The following POTEF variants were observed in gnomAD, a reference collection of about 807,000 sequenced individuals.
POTEF encodes POTE ankyrin domain family member F.
POTEF carries 20 observed loss-of-function variants against 83.2 expected under a neutral mutation model. The observed-to-expected ratio is 0.24, with a 90% CI of 0.17 to 0.35. The LOEUF is 0.35. Ranked by LOEUF, POTEF falls within the 10% of genes least tolerant of loss-of-function variation. The pLI is 1.00. For synonymous variants in POTEF, 196 were observed against 446.4 expected (o/e 0.44, Z 7.07); for missense variants, 550 against 1,203.2 (o/e 0.46, Z 8.03).
At chr2:130,117,864 TTAAA>T (rs1020523202) in intron 3 of POTEF, among the ~76,000 whole-genome samples, 7 of 152,094 alleles carry the variant, frequency 4.6e-5, no homozygotes, top group African/African-American at 1.7e-4. Context: ...AATTTAAACT[TTAAA>T]TGACTACGTA....
intron 7 of POTEF, among the ~76,000 whole-genome samples, chr2:130,108,859 A>G (rs1484353413): frequency 6.7e-6 from 1 of 149,706 alleles, no homozygotes. Context: ...ATCCTTCTCT[A>G]CCGACTCAAA....
intron 8 of POTEF, chr2:130,106,331 C>A (rs2599857): frequency 6.7e-6 from 1 of 148,858 alleles, no homozygotes; most frequent in Middle Eastern, 3.4e-3. Context: ...ATTAAAAAGT[C>A]TATCATAAAC....
chr2:130,115,653 A>G (rs1438577091), intron 3 of POTEF, among the ~76,000 whole-genome samples: 1 of 152,188 alleles, frequency 6.6e-6, no homozygotes, highest in Admixed American at 6.5e-5. Flanking sequence ...AGGAATGAAA[A>G]TAGTAGCTTT....
intron 1 of POTEF, among the ~76,000 whole-genome samples, 193 bp downstream of exon 1, chr2:130,128,879 A>C (rs1247861589): frequency 1.1e-3 from 69 of 60,352 alleles, no homozygotes; most frequent in Middle Eastern, 0.01. Flanking sequence ...CCCCCCCATC[A>C]CCCCCGCCAC....
chr2:130,120,144 ATCG>A lies in POTEF; in HGVS notation c.369_371del (p.Asp125del), dbSNP rs752849879. ...ACCTGGGCTCCATGAAGGCACTGTC[ATCG>A]TAGTCTCCCCAAGCGCCCACCTTGC... On this transcript the variant is annotated inframe_deletion, in exon 3 of 17. Coordinates refer to ENST00000409914, the MANE Select transcript of POTEF (RefSeq NM_001099771.2). The A allele has an allele frequency of 7.5e-6, 12 of 1,609,762 alleles. No homozygotes were observed. Among genetic ancestry groups the A allele is most frequent in the Non-Finnish European group, 1.0e-5 (12 of 1,179,532 alleles).
intron 3 of POTEF, among the ~76,000 whole-genome samples, chr2:130,117,891 C>A (rs2104824697): frequency 6.6e-6 from 1 of 151,498 alleles, no homozygotes; most frequent in South Asian, 2.1e-4. Flanking sequence ...TACCACTGTT[C>A]TTCATCCTCA....
chr2:130,075,347 C>G lies in POTEF; in HGVS notation c.2125G>C (p.Val709Leu). The G allele has an allele frequency of 1.2e-6, 2 of 1,612,384 alleles. No individual in the cohort carries two copies. Among genetic ancestry groups the G allele is most frequent in the South Asian group, 2.2e-5 (2 of 91,018 alleles). ...LTMDDDTAVL[V>L]IDNGSGMCKA... Reference sequence around the variant, plus strand: ...CACATGCCAGAGCCGTTGTCAATGACGAGCACAGCGGTATCATCATCCATG... The same window carrying G: ...CACATGCCAGAGCCGTTGTCAATGAGGAGCACAGCGGTATCATCATCCATG... Residue 709 changes from valine (V) to leucine (L), a missense_variant, in exon 17 of 17, where the codon GTC becomes CTC. Coordinates refer to ENST00000409914, the MANE Select transcript of POTEF (RefSeq NM_001099771.2).
chr2:130,118,557 C>T (rs1282311542), intron 3 of POTEF, among the ~76,000 whole-genome samples: 1 of 150,280 alleles, frequency 6.7e-6, no homozygotes, highest in Non-Finnish European at 1.5e-5. Flanking sequence ...ATTAGCCAGG[C>T]GTGGTGGCAG....
Position 130,120,039 on chromosome 2 carries a change from G to T in POTEF, c.477C>A (p.Val159=). The stretch of plus-strand genomic sequence containing the variant: ...TGTTCACGTCAGTGTCCCTGAGCAT[G>T]ACGATGAGATCCTTTCTGGGGACTT... ...WGKVPRKDLI[V]MLRDTDVNKQ... is the part of the protein sequence containing the mutation. The change falls in exon 3 of 17, where the codon GTC becomes GTA. Residue 159 remains valine, a synonymous_variant. Transcript: ENST00000409914. The T allele has an allele frequency of 2.2e-5, 34 of 1,516,526 alleles. 5 individuals carry two copies. Among genetic ancestry groups the T allele is most frequent in the Non-Finnish European group, 3.0e-5 (33 of 1,115,510 alleles). 93.9% of individuals were successfully genotyped at this position (1,516,526 alleles called of 1,614,324 possible). A position where few individuals can be genotyped will look rare whatever the true frequency, so the allele number is the denominator to read the frequency against.
At chr2:130,117,455 G>A (rs974974849) in intron 3 of POTEF, among the ~76,000 whole-genome samples, 15 of 151,986 alleles carry the variant, frequency 9.9e-5, no homozygotes, top group African/African-American at 3.1e-4. Context: ...TCACAGATAA[G>A]AGAAAGGGAA....
chr2:130,116,212 G>A (rs1486407276), intron 3 of POTEF, among the ~76,000 whole-genome samples: 1 of 151,328 alleles, frequency 6.6e-6, no homozygotes, highest in African/African-American at 2.5e-5. Context: ...GAATAGCATG[G>A]GCTCATTTTT....
intron 2 of POTEF, among the ~76,000 whole-genome samples, chr2:130,123,503 AT>A (rs1458452889): frequency 6.6e-6 from 1 of 152,084 alleles, no homozygotes; most frequent in Non-Finnish European, 1.5e-5. Flanking sequence ...TTTCTAAGTT[AT>A]TGGAAAGCCA....
At chr2:130,111,426 T>A (rs1259298370) in intron 6 of POTEF, among the ~76,000 whole-genome samples, 1 of 151,960 alleles carries the variant, frequency 6.6e-6, no homozygotes, top group African/African-American at 2.4e-5. Flanking sequence ...CAATTAAAAA[T>A]AAAAACATCA....
At position 130,100,825 on chromosome 2, in the gene POTEF, A is replaced by G. The variant is rs557061147; in HGVS notation, c.1198-105T>C. 145 of 1,131,606 alleles carry G rather than the reference A, an allele frequency of 1.3e-4. 3 individuals are homozygous for G. The African/African-American group carries it at 2.4e-3, about 18-fold the overall frequency. 70.1% of individuals were successfully genotyped at this position (1,131,606 alleles called of 1,614,324 possible). A position where few individuals can be genotyped will look rare whatever the true frequency, so the allele number is the denominator to read the frequency against. On this transcript the variant is annotated intron_variant, in intron 9 of 16. Transcript: ENST00000409914. Reference sequence around the variant, plus strand: ...AAATTTTATTCTTAACTAATCAAGTATGGACAATGAAAAATTAGAAAATAA... The same window carrying G: ...AAATTTTATTCTTAACTAATCAAGTGTGGACAATGAAAAATTAGAAAATAA...
chr2:130,123,137 T>C (rs1352109632), intron 2 of POTEF, among the ~76,000 whole-genome samples: 1 of 135,094 alleles, frequency 7.4e-6, no homozygotes, highest in African/African-American at 2.9e-5. Context: ...TCTCTTGGTC[T>C]AGTTGTTATT....
At chr2:130,105,506 T>G (rs922697660) in intron 8 of POTEF, among the ~76,000 whole-genome samples, 5 of 151,722 alleles carry the variant, frequency 3.3e-5, no homozygotes, top group African/African-American at 1.2e-4. Flanking sequence ...CAGCAAACTA[T>G]AGGCCACAGG....
rs754228537 is a variant in POTEF at position 130,075,270 on chromosome 2, G to T, written c.2202C>A (p.Ile734=). ...DDAPRAVFPS[I]VGRPRQQGMM... is the part of the protein sequence containing the mutation. ...TGCCCTGCTGCCTGGGGCGCCCCACGATGGAAGGGAAGACAGCCCGGGGGG... is the reference window on the plus strand; with the variant it reads ...TGCCCTGCTGCCTGGGGCGCCCCACTATGGAAGGGAAGACAGCCCGGGGGG... The change falls in exon 17 of 17, where the codon ATC becomes ATA. Residue 734 remains isoleucine (I), a synonymous_variant. Transcript: ENST00000409914. 1.9e-6 allele frequency: 3 copies of T among 1,612,528 alleles called. No homozygotes were observed. The highest frequency in any genetic ancestry group is 1.7e-6 in the Non-Finnish European group (2 of 1,179,846).
Position 130,075,088 on chromosome 2 carries a change from C to G in POTEF, c.2384G>C (p.Arg795Pro). ...GACGGGGTGCTCCTCGGGAGCCACA[C>G]GCAGCTCGTTGTAGAAGGTGTGGTG... ...IWHHTFYNEL[R>P]VAPEEHPVLL... The change falls in exon 17 of 17, where the codon CGT becomes CCT. Residue 795 changes from arginine to proline, a missense_variant. Coordinates refer to ENST00000409914, the MANE Select transcript of POTEF (RefSeq NM_001099771.2). 1 of 1,613,758 alleles carries G rather than the reference C, an allele frequency of 6.2e-7. No individual in the cohort carries two copies. The highest frequency in any genetic ancestry group is 1.7e-5 in the Admixed American group (1 of 59,974).
chr2:130,112,904 T>C (rs1180342852), intron 5 of POTEF, among the ~76,000 whole-genome samples: 2 of 151,920 alleles, frequency 1.3e-5, no homozygotes, highest in Non-Finnish European at 2.9e-5. Context: ...CTTGAATGAC[T>C]GAACAAAGAG....
Sources: gnomAD v4.1 joint callset for allele counts (sites outside exome capture counted in the v4.1 genomes callset) on GRCh38, gnomAD v4.1.1 for gene constraint, MANE v1.5 for transcripts, NCBI Gene and HGNC (gene_info 2026-07-23, HGNC 2026-07-21) for gene names.